The following SHOC1 variants were observed in gnomAD, a reference collection of about 807,000 sequenced individuals.
SHOC1 encodes the protein shortage in chiasmata 1, also known as protein shortage in chiasmata 1 ortholog.
In SHOC1, 136 loss-of-function variants were observed where a neutral mutation model predicts 179.2. The observed-to-expected ratio is 0.76, with a 90% CI of 0.66 to 0.87. The LOEUF (loss-of-function observed/expected upper bound fraction) is 0.87. SHOC1 is among the 40% of genes least tolerant of loss of function. The pLI is 0.00. For missense variants in SHOC1, 1,538 were observed against 1,700.8 expected (o/e 0.90, Z 1.68); for synonymous variants, 489 against 586.6 (o/e 0.83, Z 2.41).
At chr9:111,759,407 T>C in intron 5 of SHOC1, 1 of 1,454,112 alleles carries the variant, frequency 6.9e-7, no homozygotes, top group African/African-American at 1.4e-5. Context: ...AGAATCTACT[T>C]GAGGAGTATG....
intron 5 of SHOC1, chr9:111,759,161 A>G (rs1290230643): frequency 6.2e-7 from 1 of 1,607,620 alleles, no homozygotes; most frequent in Non-Finnish European, 8.5e-7. Context: ...CTTACACTTC[A>G]AAATAGCCAG....
At chr9:111,788,538 G>T (rs1424470722) in intron 2 of SHOC1, among the ~76,000 whole-genome samples, 2 of 152,168 alleles carry the variant, frequency 1.3e-5, no homozygotes, top group African/African-American at 4.8e-5. Flanking sequence ...GAAAGTCAAG[G>T]CCCCTTGTAA....
At chr9:111,785,801 A>T in intron 3 of SHOC1, 111 bp downstream of exon 3, 1 of 830,554 alleles carries the variant, frequency 1.2e-6, no homozygotes, top group Non-Finnish European at 1.7e-6. Context: ...TGACATGAGT[A>T]GATGCAATGA....
chr9:111,691,583 G>A lies in SHOC1; in HGVS notation c.4394C>T (p.Ser1465Leu). 3 of 1,613,236 alleles carry A rather than the reference G, an allele frequency of 1.9e-6. No individual in the cohort carries two copies. In the South Asian group the frequency reaches 3.3e-5, roughly 18 times the overall value. ...SLGQKRHHES[S>L]FNSGDKESLT... ...TGATTCCTTGTCTCCTGAGTTAAATGAAGATTCATGGTGCCTTTTCTGTCC... is the reference window on the plus strand; with the variant it reads ...TGATTCCTTGTCTCCTGAGTTAAATAAAGATTCATGGTGCCTTTTCTGTCC... Residue 1465 changes from serine (S) to leucine (L), a missense_variant, in exon 27 of 28, where the codon TCA becomes TTA. Physicochemically the swap from Ser to Leu is moderately radical, Grantham distance 145. Transcript: ENST00000682961.
intron 23 of SHOC1, among the ~76,000 whole-genome samples, chr9:111,700,675 C>T (rs10981021): frequency 0.25 from 37,572 of 151,986 alleles, 4,959 homozygotes; most frequent in African/African-American, 0.32. Context: ...CTTTATTTCT[C>T]GGCTCTTCTT....
intron 8 of SHOC1, 109 bp downstream of exon 8, chr9:111,756,216 C>T (rs1834854068): frequency 2.6e-6 from 2 of 755,936 alleles, no homozygotes; most frequent in Non-Finnish European, 3.9e-6. Context: ...ACTTGCAGAA[C>T]ATTTTTGCAA....
chr9:111,733,289 A>AT lies in SHOC1; in HGVS notation c.1417+4990dup, dbSNP rs941999083. On this transcript the variant is annotated intron_variant, in intron 12 of 27. Transcript: ENST00000682961. ...ATTTCCTTCCAAAATGTAGTTTATA[A>AT]TTTTTTTTTTGCTTTTATTAGAGAT... Among the ~76,000 whole-genome samples the AT allele has an allele frequency of 3.5e-3, 526 of 150,202 alleles. 3 individuals carry two copies. Among genetic ancestry groups the AT allele is most frequent in the African/African-American group, 0.01 (415 of 41,086 alleles).
At chr9:111,787,889 G>A (rs1006047935) in intron 2 of SHOC1, among the ~76,000 whole-genome samples, 35 of 152,198 alleles carry the variant, frequency 2.3e-4, no homozygotes, top group African/African-American at 7.5e-4. Flanking sequence ...GTCAGCAGCC[G>A]TCAACTTCAA....
Position 111,730,069 on chromosome 9 carries a change from T to C in SHOC1, c.1418-2020A>G, listed in dbSNP as rs1209752254. 2.0e-5 allele frequency among the ~76,000 whole-genome samples: 3 copies of C among 152,206 alleles called. No individual in the cohort carries two copies. The East Asian group carries it at 5.8e-4, about 29-fold the overall frequency. ...CCCATCCATAAGAAACAACTCCTCA[T>C]TTGTTCAAGTTTTGGCATGAGATTG... On this transcript the variant is annotated intron_variant, in intron 12 of 27. Coordinates refer to ENST00000682961, the MANE Select transcript of SHOC1 (RefSeq NM_001378211.1).
chr9:111,763,790 G>T (rs1292067293), intron 5 of SHOC1, among the ~76,000 whole-genome samples: 1 of 152,120 alleles, frequency 6.6e-6, no homozygotes, highest in Non-Finnish European at 1.5e-5. Flanking sequence ...ATAACGACTT[G>T]TTCTAGAACT....
At chr9:111,756,292 T>G (rs764428550) in intron 8 of SHOC1, 33 bp downstream of exon 8, 1 of 1,528,694 alleles carries the variant, frequency 6.5e-7, no homozygotes, top group Admixed American at 2.2e-5. Context: ...TAAGTGGTTT[T>G]TACAAGTAAT....
intron 8 of SHOC1, among the ~76,000 whole-genome samples, chr9:111,750,987 T>G (rs1175469093): frequency 6.6e-6 from 1 of 152,208 alleles, no homozygotes; most frequent in Non-Finnish European, 1.5e-5. Flanking sequence ...GTTTTACATT[T>G]AAGTCTTTAA....
At chr9:111,737,863 T>C (rs1454299185) in intron 12 of SHOC1, 3 of 187,662 alleles carry the variant, frequency 1.6e-5, no homozygotes, top group Non-Finnish European at 3.2e-5. Flanking sequence ...CAAACGAAGA[T>C]CCTCTATTGT....
chr9:111,713,124 T>G lies in SHOC1; in HGVS notation c.2464A>C (p.Ile822Leu), dbSNP rs28551718. The change falls in exon 18 of 28, where the codon ATT (isoleucine) becomes CTT (leucine). Residue 822 changes from isoleucine (I) to leucine (L), a missense_variant. Physicochemically the swap from Ile to Leu is conservative, Grantham distance 5. Coordinates refer to ENST00000682961, the MANE Select transcript of SHOC1 (RefSeq NM_001378211.1). The stretch of plus-strand genomic sequence containing the variant: ...CCTTCTATTTTGTTAAGAATTTTAA[T>G]GAGAAAATGTTTTTCACCGTCTGAG... ...MDSDGEKHFL[I>L]KILNKIEGLT... 33,851 of 1,571,366 alleles carry G rather than the reference T, an allele frequency of 0.022. 1,393 individuals are homozygous for G. The highest frequency in any genetic ancestry group is 0.17 in the African/African-American group (12,305 of 73,572).
rs191209030 is a variant in SHOC1 at position 111,728,147 on chromosome 9, G to A, written c.1418-98C>T. The A allele has an allele frequency of 3.1e-5, 27 of 868,484 alleles. No individual in the cohort carries two copies. The African/African-American group carries it at 4.0e-4, about 13-fold the overall frequency. 53.8% of individuals were successfully genotyped at this position (868,484 alleles called of 1,614,324 possible). On this transcript the variant is annotated intron_variant, in intron 12 of 27. Transcript: ENST00000682961. Reference sequence around the variant, plus strand: ...CTTTTAGTTGTGGTTTCTTATTAATGTAATTTGATCTTTATGAGCACTTTG... The same window carrying A: ...CTTTTAGTTGTGGTTTCTTATTAATATAATTTGATCTTTATGAGCACTTTG...
intron 8 of SHOC1, among the ~76,000 whole-genome samples, chr9:111,753,069 A>G (rs1834671468): frequency 6.6e-6 from 1 of 152,142 alleles, no homozygotes; most frequent in Admixed American, 6.5e-5. Flanking sequence ...AGAAAGAAAG[A>G]AAACATGAAC....
At chr9:111,765,922 C>T (rs1395121334) in intron 5 of SHOC1, among the ~76,000 whole-genome samples, 4 of 152,126 alleles carry the variant, frequency 2.6e-5, no homozygotes, top group Non-Finnish European at 4.4e-5. Flanking sequence ...GTCTCATGAT[C>T]TGCCTGTCTT....
chr9:111,744,113 C>G (rs1348714847), intron 10 of SHOC1, among the ~76,000 whole-genome samples: 9 of 152,098 alleles, frequency 5.9e-5, no homozygotes, highest in Admixed American at 5.9e-4. Flanking sequence ...TTAAATACTT[C>G]TAAAATCAAA....
chr9:111,783,177 A>G (rs184858518), intron 3 of SHOC1, among the ~76,000 whole-genome samples: 417 of 152,340 alleles, frequency 2.7e-3, no homozygotes, highest in Admixed American at 5.3e-3. Context: ...CACTTCTCCC[A>G]TAAGTTAGTC....
Sources: allele counts gnomAD v4.1 joint callset (sites outside exome capture counted in the v4.1 genomes callset), GRCh38; gene constraint gnomAD v4.1.1; transcripts MANE v1.5; gene names NCBI Gene and HGNC (gene_info 2026-07-23, HGNC 2026-07-21).